Variants in DLGAP3 observed in about 807,000 individuals in gnomAD.
The protein encoded by DLGAP3 is DLG associated protein 3, also known as disks large-associated protein 3.
Under a neutral mutation model 81.2 loss-of-function variants are expected in DLGAP3, and 17 were observed. The ratio of observed to expected loss-of-function variants is 0.21; its 90% CI spans 0.14 to 0.31. The LOEUF (loss-of-function observed/expected upper bound fraction) is 0.31. Ranked by LOEUF, DLGAP3 falls within the 10% of genes least tolerant of loss-of-function variation. DLGAP3 has a pLI of 1.00. For missense variants in DLGAP3, 1,124 were observed against 1,388.0 expected (o/e 0.81, Z 3.02); for synonymous variants, 577 against 587.4 (o/e 0.98, Z 0.26).
At chr1:34,888,028 GATT>G (rs1639260817) in intron 5 of DLGAP3, among the ~76,000 whole-genome samples, 1 of 152,186 alleles carries the variant, frequency 6.6e-6, no homozygotes, top group South Asian at 2.1e-4. Flanking sequence ...CCCTGTGGAT[GATT>G]ATGTAGAGTC....
chr1:34,866,376 G>T, intron 11 of DLGAP3, 75 bp from the exon 12 acceptor site: 1 of 1,279,154 alleles, frequency 7.8e-7, no homozygotes. Flanking sequence ...CCGCACCCCC[G>T]CGCCCAGAGT....
At chr1:34,877,177 G>A (rs1639070956) in intron 8 of DLGAP3, among the ~76,000 whole-genome samples, 1 of 152,198 alleles carries the variant, frequency 6.6e-6, no homozygotes, top group African/African-American at 2.4e-5. Flanking sequence ...AAACGCTGAG[G>A]GAGGATGAGA....
At chr1:34,884,043 C>T (rs2148400995) in intron 8 of DLGAP3, among the ~76,000 whole-genome samples, 1 of 152,104 alleles carries the variant, frequency 6.6e-6, no homozygotes, top group South Asian at 2.1e-4. Flanking sequence ...CTCAGCCTCT[C>T]GAGCAGCTGA....
chr1:34,924,172 A>G (rs933062235), intron 1 of DLGAP3, among the ~76,000 whole-genome samples: 1 of 152,188 alleles, frequency 6.6e-6, no homozygotes, highest in African/African-American at 2.4e-5. Context: ...GATACTTGAA[A>G]TGACCCTGAC....
chr1:34,869,159 A>T (rs1490567805), intron 8 of DLGAP3, 70 bp from the exon 9 acceptor site: 1 of 1,158,816 alleles, frequency 8.6e-7, no homozygotes, highest in East Asian at 2.5e-5. Flanking sequence ...ACCCCAAGCA[A>T]AAAAAAGGAA....
intron 1 of DLGAP3, 23 bp from the exon 2 acceptor site, chr1:34,907,460 T>C (rs956069277): frequency 2.6e-5 from 4 of 152,536 alleles, no homozygotes; most frequent in African/African-American, 7.2e-5. Flanking sequence ...AAAAGGATGG[T>C]AAGCAAAAGG....
At chr1:34,881,565 G>A (rs1226038752) in intron 8 of DLGAP3, among the ~76,000 whole-genome samples, 2 of 151,850 alleles carry the variant, frequency 1.3e-5, no homozygotes, top group Non-Finnish European at 2.9e-5. Flanking sequence ...AAGGAGCCTG[G>A]AGTTCTGACA....
rs1285028699 is a variant in DLGAP3 at position 34,904,921 on chromosome 1, C to T, written c.463G>A (p.Gly155Arg). 2 of 1,612,270 alleles carry T rather than the reference C, an allele frequency of 1.2e-6. No homozygotes were observed. Among genetic ancestry groups the T allele is most frequent in the Non-Finnish European group, 1.7e-6 (2 of 1,179,916 alleles). Residue 155 changes from glycine (G) to arginine (R), a missense_variant, in exon 3 of 12, where the codon GGG becomes AGG. Physicochemically the swap from Gly to Arg is moderately radical, Grantham distance 125. Transcript: ENST00000373347. The surrounding 1 kb of genome is among the most constrained non-coding windows in gnomAD (Gnocchi z 8.1). ...CGGGGCTCTGGGGCAGTGCCCGTCC[C>T]TGGCGCTGGCCCGGGCCCTGCCCCT... Reference protein sequence around the residue: ...PAGAGPGPAPGTGTAPEPRSE... With the variant: ...PAGAGPGPAPRTGTAPEPRSE...
intron 5 of DLGAP3, among the ~76,000 whole-genome samples, chr1:34,890,008 G>A (rs1033113760): frequency 2.0e-5 from 3 of 152,140 alleles, no homozygotes; most frequent in African/African-American, 4.8e-5. Context: ...ATAAAGTTAG[G>A]AAAAGTGAAA....
chr1:34,925,293 G>A (rs562266623), intron 1 of DLGAP3: 2 of 152,746 alleles, frequency 1.3e-5, no homozygotes, highest in South Asian at 2.1e-4. Context: ...TCAGCCCAGA[G>A]CCTCTCAATG....
chr1:34,878,959 C>T (rs1557462444), intron 8 of DLGAP3, among the ~76,000 whole-genome samples: 1 of 151,744 alleles, frequency 6.6e-6, no homozygotes, highest in Non-Finnish European at 1.5e-5. Context: ...GTAGTCCCAG[C>T]TACTTGGGAG....
At position 34,913,451 on chromosome 1, in the gene DLGAP3, C is replaced by T. The variant is rs571306527; in HGVS notation, c.-134-6014G>A. 7.9e-5 allele frequency among the ~76,000 whole-genome samples: 12 copies of T among 152,300 alleles called. No homozygotes were observed. In the East Asian group the frequency reaches 1.5e-3, roughly 20 times the overall value. On this transcript the variant is annotated intron_variant, in intron 1 of 11. Coordinates refer to ENST00000373347, the MANE Select transcript of DLGAP3 (RefSeq NM_001080418.3). ...GATATTCCCATGGCTTCCTCTGCCT[C>T]GGAAGAGACAGAGAGGCCTACCTGA...
At chr1:34,918,764 G>A (rs1331468520) in intron 1 of DLGAP3, among the ~76,000 whole-genome samples, 2 of 152,128 alleles carry the variant, frequency 1.3e-5, no homozygotes, top group Admixed American at 1.3e-4. Context: ...CCCTGGCCAG[G>A]GCCCCACAGT....
rs1406803865 is a variant in DLGAP3, at chr1:34,900,166, C to G, written c.1215G>C (p.Glu405Asp). The change falls in exon 4 of 12, where the codon GAG (glutamate) becomes GAC (aspartate). Residue 405 changes from glutamate to aspartate, a missense_variant. By Grantham distance (45) the Glu-to-Asp change is conservative. Coordinates refer to ENST00000373347, the MANE Select transcript of DLGAP3 (RefSeq NM_001080418.3). This position sits in a 1 kb window ranked among gnomAD's most constrained non-coding sequence, Gnocchi z 5.6. ...TGGGGCTGCCGTCTGAGTCTCCGCTCTCCTCATCCCCCATGGCTTTGATGT... is the reference window on the plus strand; with the variant it reads ...TGGGGCTGCCGTCTGAGTCTCCGCTGTCCTCATCCCCCATGGCTTTGATGT... ...GSYIKAMGDE[E>D]SGDSDGSPKT... is the part of the protein sequence containing the mutation. 3.1e-6 allele frequency: 5 copies of G among 1,614,012 alleles called. No individual in the cohort carries two copies. The highest frequency in any genetic ancestry group is 4.2e-6 in the Non-Finnish European group (5 of 1,180,036).
chr1:34,902,874 C>T lies in DLGAP3; in HGVS notation c.1107+1403G>A, dbSNP rs7517588. Among the ~76,000 whole-genome samples, 1,579 of 152,198 alleles carry T rather than the reference C, an allele frequency of 0.01. 26 individuals carry two copies. The highest frequency in any genetic ancestry group is 0.037 in the African/African-American group (1,527 of 41,510). On this transcript the variant is annotated intron_variant, in intron 3 of 11. Coordinates refer to ENST00000373347, the MANE Select transcript of DLGAP3 (RefSeq NM_001080418.3). The surrounding 1 kb of genome is among the most constrained non-coding windows in gnomAD (Gnocchi z 4.4). ...AATGGCAACAAGTCTTCAGGGATGG[C>T]AAGGAATCGGCTATGGGGGAGAAAG... is the stretch of plus-strand genomic sequence containing the variant.
intron 8 of DLGAP3, among the ~76,000 whole-genome samples, chr1:34,879,038 C>T (rs1364911462): frequency 6.7e-6 from 1 of 149,482 alleles, no homozygotes; most frequent in African/African-American, 2.5e-5. Flanking sequence ...CGCCACTGCA[C>T]TCCACCCGGG....
Position 34,867,249 on chromosome 1 carries a change from A to G in DLGAP3, c.2578-58T>C. On this transcript the variant is annotated intron_variant, in intron 10 of 11. Coordinates refer to ENST00000373347, the MANE Select transcript of DLGAP3 (RefSeq NM_001080418.3). This position sits in a 1 kb window ranked among gnomAD's most constrained non-coding sequence, Gnocchi z 4.3. ...GGTCAAGGAGGTCTGAGCCCCAGCC[A>G]GGACAAGAGAAAGTCCTATCCACCC... The G allele has an allele frequency of 6.2e-7, 1 of 1,610,178 alleles. No individual in the cohort carries two copies. The highest frequency in any genetic ancestry group is 2.2e-5 in the East Asian group (1 of 44,850).
rs1336754983 is a variant in DLGAP3, at chr1:34,886,195, G to T, written c.1477C>A (p.Pro493Thr). The stretch of plus-strand genomic sequence containing the variant: ...TGGCTCCGCATGCGGAAACAGCCGG[G>T]CAGGTCCAGGGCGTCCACGGCCTGG... ...ESQAVDALDL[P>T]GCFRMRSHSY... Residue 493 changes from proline to threonine, a missense_variant, in exon 6 of 12, where the codon CCC becomes ACC. Pro to Thr is a conservative substitution (Grantham distance 38, BLOSUM62 -1). Transcript: ENST00000373347. The T allele has an allele frequency of 6.2e-7, 1 of 1,611,366 alleles. No homozygotes were observed. The highest frequency in any genetic ancestry group is 1.7e-5 in the Admixed American group (1 of 59,852).
intron 1 of DLGAP3, among the ~76,000 whole-genome samples, chr1:34,913,828 T>C (rs1023647933): frequency 2.0e-5 from 3 of 152,186 alleles, no homozygotes; most frequent in East Asian, 1.9e-4. Context: ...TGGAGAGTCC[T>C]GGAGAATCTG....
Sources: gnomAD v4.1 joint callset for allele counts (sites outside exome capture counted in the v4.1 genomes callset) on GRCh38, gnomAD v4.1.1 for gene constraint, Gnocchi (gnomAD v3.1) non-coding constraint, MANE v1.5 for transcripts, NCBI Gene and HGNC (gene_info 2026-07-23, HGNC 2026-07-21) for gene names.